Variants in ALG14 observed in about 807,000 individuals in gnomAD.
ALG14 encodes the protein UDP-N-acetylglucosamine transferase subunit ALG14.
In ALG14, 17 loss-of-function variants were observed where a neutral mutation model predicts 22.8. The ratio of observed to expected loss-of-function variants is 0.75; its 90% CI spans 0.51 to 1.12. The LOEUF (loss-of-function observed/expected upper bound fraction) is 1.12. ALG14 is among the 50% of genes most tolerant of loss of function. The pLI, the probability that ALG14 is intolerant of heterozygous loss-of-function variation, is 0.00. For synonymous variants in ALG14, 89 were observed against 103.7 expected, an observed-to-expected ratio of 0.86 and a Z score of 0.86; for missense variants, 288 against 271.8, an observed-to-expected ratio of 1.06 and a Z score of -0.42.
chr1:95,036,462 T>C (rs151255996), intron 2 of ALG14, among the ~76,000 whole-genome samples: 5,643 of 146,602 alleles, frequency 0.038, 139 homozygotes, highest in South Asian at 0.079. Flanking sequence ...AGTCTCACTC[T>C]GTTGCCCAGG....
At chr1:95,031,497 A>G (rs931888287) in intron 2 of ALG14, among the ~76,000 whole-genome samples, 3 of 152,202 alleles carry the variant, frequency 2.0e-5, no homozygotes, top group Non-Finnish European at 4.4e-5. Context: ...TCTTTCTCAC[A>G]TTATTTTTTG....
chr1:94,982,959 C>A lies in ALG14; in HGVS notation c.*117G>T. On this transcript the variant is annotated 3_prime_UTR_variant, in exon 4 of 4. Coordinates refer to ENST00000370205, the MANE Select transcript of ALG14 (RefSeq NM_144988.4). ...CTGTACATTTTTTATTCCTTACCATCAATAATTCTCAGGACTGTCAGACGC... is the reference window on the plus strand; with the variant it reads ...CTGTACATTTTTTATTCCTTACCATAAATAATTCTCAGGACTGTCAGACGC... The A allele has an allele frequency of 1.3e-6, 1 of 776,354 alleles. No homozygotes were observed. Among genetic ancestry groups the A allele is most frequent in the East Asian group, 2.6e-5 (1 of 38,108 alleles). The allele number at this position is 776,354 out of a possible 1,614,324, so 48.1% of individuals were successfully genotyped here.
At chr1:95,000,641 T>A (rs1157576423) in intron 3 of ALG14, among the ~76,000 whole-genome samples, 3 of 151,732 alleles carry the variant, frequency 2.0e-5, no homozygotes, top group African/African-American at 7.3e-5. Context: ...CAGACTTAAT[T>A]GTTCCAAATG....
intron 2 of ALG14, among the ~76,000 whole-genome samples, chr1:95,050,176 G>A (rs775238198): frequency 3.3e-5 from 5 of 152,154 alleles, no homozygotes; most frequent in Non-Finnish European, 7.3e-5. Context: ...GAGATCTTCT[G>A]CCAAAGCACA....
At chr1:95,038,497 A>G (rs1400037993) in intron 2 of ALG14, among the ~76,000 whole-genome samples, 2 of 151,836 alleles carry the variant, frequency 1.3e-5, no homozygotes, top group African/African-American at 4.8e-5. Flanking sequence ...CAAAAACAAC[A>G]AACAAACAAA....
At chr1:95,060,492 A>C (rs1172621554) in intron 2 of ALG14, among the ~76,000 whole-genome samples, 1 of 152,018 alleles carries the variant, frequency 6.6e-6, no homozygotes, top group Non-Finnish European at 1.5e-5. Context: ...TGAGGTGGGC[A>C]GATCACGAGG....
intron 1 of ALG14, chr1:95,067,520 G>C (rs757326973): frequency 1.3e-5 from 2 of 152,122 alleles, no homozygotes; most frequent in Non-Finnish European, 2.9e-5. Context: ...ATTTAAACTT[G>C]TTACTGAATA....
intron 2 of ALG14, among the ~76,000 whole-genome samples, chr1:95,059,292 G>A (rs1215435635): frequency 6.6e-6 from 1 of 151,320 alleles, no homozygotes; most frequent in Non-Finnish European, 1.5e-5. Context: ...AACTACTAGG[G>A]GGGCTGAGGC....
At chr1:94,994,053 A>C (rs1436639736) in intron 3 of ALG14, among the ~76,000 whole-genome samples, 1 of 152,210 alleles carries the variant, frequency 6.6e-6, no homozygotes, top group Non-Finnish European at 1.5e-5. Flanking sequence ...TACATAAATA[A>C]AGACCTAAAC....
At chr1:95,064,166 T>A (rs1452080196) in intron 2 of ALG14, among the ~76,000 whole-genome samples, 1 of 152,188 alleles carries the variant, frequency 6.6e-6, no homozygotes, top group Non-Finnish European at 1.5e-5. Flanking sequence ...CTTATCAGCT[T>A]AAGAAGTTTT....
intron 2 of ALG14, among the ~76,000 whole-genome samples, chr1:95,035,633 T>G (rs894265589): frequency 1.3e-5 from 2 of 152,226 alleles, no homozygotes; most frequent in Non-Finnish European, 2.9e-5. Flanking sequence ...TGACAACTTG[T>G]AACTTTCAAA....
chr1:95,022,253 A>G (rs911939205), intron 3 of ALG14: 1 of 925,986 alleles, frequency 1.1e-6, no homozygotes, highest in African/African-American at 1.8e-5. Context: ...AACTCACTCA[A>G]TGTGAAACAG....
chr1:94,987,741 C>T (rs1435355590), intron 3 of ALG14, among the ~76,000 whole-genome samples: 1 of 152,142 alleles, frequency 6.6e-6, no homozygotes, highest in Non-Finnish European at 1.5e-5. Flanking sequence ...GACTCCTGAT[C>T]CAGTAAAACA....
intron 3 of ALG14, among the ~76,000 whole-genome samples, chr1:95,005,305 G>A (rs536900650): frequency 1.3e-5 from 2 of 152,304 alleles, no homozygotes; most frequent in African/African-American, 2.4e-5. Flanking sequence ...GGGGAGCCTG[G>A]AAGCAGAGAC....
intron 3 of ALG14, among the ~76,000 whole-genome samples, chr1:95,021,255 A>C (rs1332203150): frequency 6.6e-6 from 1 of 152,102 alleles, no homozygotes; most frequent in East Asian, 1.9e-4. Flanking sequence ...CTCTTTCAAA[A>C]TTTATTGAAC....
At chr1:94,991,448 A>G (rs1208786998) in intron 3 of ALG14, among the ~76,000 whole-genome samples, 58 of 152,242 alleles carry the variant, frequency 3.8e-4, no homozygotes, top group Admixed American at 3.8e-3. Context: ...GTAGGCAACT[A>G]TAACACATGG....
chr1:95,004,215 C>CTTT (rs869303546), intron 3 of ALG14, among the ~76,000 whole-genome samples: 68 of 117,052 alleles, frequency 5.8e-4, no homozygotes, highest in African/African-American at 8.3e-4. Context: ...GGGTAATTAA[C>CTTT]TTTTTTTTTT....
At chr1:95,057,507 G>A (rs76023668) in intron 2 of ALG14, among the ~76,000 whole-genome samples, 6,984 of 151,378 alleles carry the variant, frequency 0.046, 217 homozygotes, top group South Asian at 0.088. Flanking sequence ...CAAATACTAC[G>A]TCATCTTATA....
intron 3 of ALG14, among the ~76,000 whole-genome samples, chr1:94,986,487 T>C (rs1018510375): frequency 6.6e-6 from 1 of 152,172 alleles, no homozygotes; most frequent in African/African-American, 2.4e-5. Context: ...TTTTTTTCTT[T>C]TTTTGAGACA....
Sources: gnomAD v4.1 joint callset for allele counts (sites outside exome capture counted in the v4.1 genomes callset) on GRCh38, gnomAD v4.1.1 for gene constraint, MANE v1.5 for transcripts, NCBI Gene and HGNC (gene_info 2026-07-23, HGNC 2026-07-21) for gene names.